The following CDC42BPA variants were observed in gnomAD, a reference collection of about 807,000 sequenced individuals.
CDC42BPA encodes the protein serine/threonine-protein kinase MRCK alpha.
CDC42BPA carries 80 observed loss-of-function variants against 223.5 expected under a neutral mutation model. The observed-to-expected ratio is 0.36, with a 90% confidence interval of 0.30 to 0.43. CDC42BPA has a LOEUF of 0.43. Ranked by LOEUF, CDC42BPA falls within the 20% of genes least tolerant of loss-of-function variation. The pLI is 1.00. For missense variants in CDC42BPA, 1,743 were observed against 2,099.9 expected (o/e 0.83, Z 3.32); for synonymous variants, 694 against 718.6 (o/e 0.97, Z 0.55).
At chr1:227,219,498 C>T (rs969333685) in intron 2 of CDC42BPA, 3 of 152,226 alleles carry the variant, frequency 2.0e-5, no homozygotes, top group African/African-American at 7.2e-5. Context: ...AGGTTCGTAA[C>T]TCACTGAGCT....
intron 1 of CDC42BPA, among the ~76,000 whole-genome samples, chr1:227,284,717 T>C (rs1006081213): frequency 6.6e-6 from 1 of 152,126 alleles, no homozygotes; most frequent in Non-Finnish European, 1.5e-5. Flanking sequence ...TCCCAGCATG[T>C]TGGGAGGCCA....
intron 2 of CDC42BPA, among the ~76,000 whole-genome samples, chr1:227,243,674 T>C (rs1038428038): frequency 3.3e-5 from 5 of 151,960 alleles, no homozygotes; most frequent in African/African-American, 1.2e-4. Flanking sequence ...GTTTAATTAA[T>C]TGCACTCCAT....
rs376823758 is a variant in CDC42BPA at position 227,082,341 on chromosome 1, C to T, written c.2356-1324G>A. 2.6e-5 allele frequency among the ~76,000 whole-genome samples: 4 copies of T among 152,186 alleles called. No individual in the cohort carries two copies. In the South Asian group the frequency reaches 8.3e-4, roughly 32 times the overall value. On this transcript the variant is annotated intron_variant, in intron 16 of 36. Transcript: ENST00000366766. ...TGATTACAGGCATGCACCAGCATGC[C>T]TGGCCCGATACATCTTTTAAGTCTA...
At chr1:227,027,362 G>C (rs539144184) in intron 30 of CDC42BPA, among the ~76,000 whole-genome samples, 2 of 152,140 alleles carry the variant, frequency 1.3e-5, no homozygotes, top group South Asian at 4.2e-4. Flanking sequence ...CTTTAAACTT[G>C]ACTAGACCCA....
In CDC42BPA at chr1:227,118,546, T is replaced by G. The variant is rs115506004; in HGVS notation, c.1647+1258A>C. Among the ~76,000 whole-genome samples, 905 of 152,226 alleles carry G rather than the reference T, an allele frequency of 5.9e-3. 10 individuals carry two copies. Among genetic ancestry groups the G allele is most frequent in the African/African-American group, 0.021 (852 of 41,534 alleles). ...TCTCAAAATATATAAAAAGGATTTT[T>G]AATACTAAAACATTAAAAATTGGTG... On this transcript the variant is annotated intron_variant, in intron 12 of 36. Coordinates refer to ENST00000366766, the MANE Select transcript of CDC42BPA (RefSeq NM_001394014.1).
In CDC42BPA at chr1:227,179,635, CAAAAAAAAAAAAA is replaced by C. The variant is rs59744442; in HGVS notation, c.599+14138_599+14150del. On this transcript the variant is annotated intron_variant, in intron 5 of 36. Transcript: ENST00000366766. The stretch of plus-strand genomic sequence containing the variant: ...TGGGCAACAGAGCGAGCCTCCATCT[CAAAAAAAAAAAAA>C]AAAAAAAAAAAAGCTATTTTAAAAG... Among the ~76,000 whole-genome samples, 13 of 34,244 alleles carry C rather than the reference CAAAAAAAAAAAAA, an allele frequency of 3.8e-4. No individual in the cohort carries two copies. The South Asian group carries it at 0.016, about 41-fold the overall frequency. The allele number at this position is 34,244 out of a possible 152,430, so 22.5% of individuals were successfully genotyped here.
intron 14 of CDC42BPA, among the ~76,000 whole-genome samples, chr1:227,102,413 C>T (rs531397991): frequency 1.3e-5 from 2 of 152,310 alleles, no homozygotes; most frequent in Admixed American, 1.3e-4. Flanking sequence ...CAGATTCTTG[C>T]TCTGAAGCAT....
At chr1:227,239,530 C>T (rs76960114) in intron 2 of CDC42BPA, among the ~76,000 whole-genome samples, 3,185 of 152,062 alleles carry the variant, frequency 0.021, 127 homozygotes, top group African/African-American at 0.073. Context: ...AGGAGGTATA[C>T]GGGAACTCTG....
At chr1:227,185,723 T>G (rs1668661301) in intron 5 of CDC42BPA, among the ~76,000 whole-genome samples, 1 of 147,060 alleles carries the variant, frequency 6.8e-6, no homozygotes. Context: ...AACTCCCTGC[T>G]CCTTAAAACT....
intron 2 of CDC42BPA, among the ~76,000 whole-genome samples, chr1:227,216,793 A>G (rs1674934242): frequency 6.6e-6 from 1 of 152,230 alleles, no homozygotes; most frequent in Non-Finnish European, 1.5e-5. Flanking sequence ...ATGAACTGCA[A>G]GACTATAGTT....
chr1:227,306,972 C>T (rs773298717), intron 1 of CDC42BPA, among the ~76,000 whole-genome samples: 1 of 152,170 alleles, frequency 6.6e-6, no homozygotes, highest in African/African-American at 2.4e-5. Flanking sequence ...GATAACTATA[C>T]TGCTTTTACA....
chr1:227,203,819 A>T (rs1672216839), intron 3 of CDC42BPA, among the ~76,000 whole-genome samples: 1 of 152,224 alleles, frequency 6.6e-6, no homozygotes, highest in Non-Finnish European at 1.5e-5. Flanking sequence ...TGGGATAAAC[A>T]GGAACAGGAA....
chr1:227,195,090 G>GA (rs1381352331), intron 4 of CDC42BPA, among the ~76,000 whole-genome samples: 1 of 152,184 alleles, frequency 6.6e-6, no homozygotes, highest in African/African-American at 2.4e-5. Context: ...TTAAACCAAA[G>GA]AAACTAATTT....
At chr1:227,156,219 C>T (rs1043891186) in intron 6 of CDC42BPA, among the ~76,000 whole-genome samples, 2 of 151,914 alleles carry the variant, frequency 1.3e-5, no homozygotes, top group South Asian at 2.1e-4. Flanking sequence ...GGCACCATCA[C>T]GGTCACTGCA....
At chr1:227,191,620 T>C (rs1048615230) in intron 5 of CDC42BPA, among the ~76,000 whole-genome samples, 8 of 152,156 alleles carry the variant, frequency 5.3e-5, no homozygotes, top group Admixed American at 3.9e-4. Flanking sequence ...AAGAATTACA[T>C]ATAAACTGGG....
At chr1:227,124,721 T>C (rs1467931500) in intron 11 of CDC42BPA, among the ~76,000 whole-genome samples, 1 of 152,070 alleles carries the variant, frequency 6.6e-6, no homozygotes, top group Non-Finnish European at 1.5e-5. Flanking sequence ...ATGAAGGGCC[T>C]TGTATTAGAA....
chr1:227,246,250 G>T (rs571304164), intron 2 of CDC42BPA, among the ~76,000 whole-genome samples: 1 of 152,352 alleles, frequency 6.6e-6, no homozygotes, highest in South Asian at 2.1e-4. Context: ...AGAGCGGGAA[G>T]AACTTTTTGT....
intron 2 of CDC42BPA, among the ~76,000 whole-genome samples, chr1:227,223,528 G>A (rs72755348): frequency 0.011 from 1,664 of 152,290 alleles, 15 homozygotes; most frequent in Middle Eastern, 0.037. Flanking sequence ...AGCAGTAATT[G>A]AGGTGAGAGG....
At chr1:227,005,308 A>C (rs920359077) in intron 34 of CDC42BPA, among the ~76,000 whole-genome samples, 197 bp from the exon 35 acceptor site, 6 of 152,210 alleles carry the variant, frequency 3.9e-5, no homozygotes, top group Non-Finnish European at 7.3e-5. Flanking sequence ...ATCTCATCCT[A>C]ATCAGGAATA....
Sources: allele counts gnomAD v4.1 joint callset (sites outside exome capture counted in the v4.1 genomes callset), GRCh38; gene constraint gnomAD v4.1.1; transcripts MANE v1.5; gene names NCBI Gene and HGNC (gene_info 2026-07-23, HGNC 2026-07-21).